Variants in WWOX observed in about 807,000 individuals in gnomAD.
The protein encoded by WWOX is WW domain-containing oxidoreductase.
WWOX carries 69 observed loss-of-function variants against 46.2 expected under a neutral mutation model. The observed-to-expected ratio is 1.49, with a 90% CI of 1.23 to 1.82. The LOEUF (loss-of-function observed/expected upper bound fraction) is 1.82, where lower values mean the gene tolerates loss of function less well. WWOX is among the 40% of genes most tolerant of loss of function. WWOX has a pLI of 0.00. For synonymous variants in WWOX, 359 were observed against 202.6 expected, an observed-to-expected ratio of 1.77 and a Z score of -6.56; for missense variants, 919 against 542.6, an observed-to-expected ratio of 1.69 and a Z score of -6.89.
At chr16:78,597,779 T>A (rs539241513) in intron 8 of WWOX, among the ~76,000 whole-genome samples, 13 of 123,490 alleles carry the variant, frequency 1.1e-4, no homozygotes, top group South Asian at 4.8e-4. Context: ...TATATATATA[T>A]AAAATATATT....
At chr16:78,377,448 T>C (rs1222462197) in intron 5 of WWOX, among the ~76,000 whole-genome samples, 1 of 152,230 alleles carries the variant, frequency 6.6e-6, no homozygotes, top group Non-Finnish European at 1.5e-5. Flanking sequence ...TACTCCTCTT[T>C]ACTTGCCTGC....
At chr16:78,978,353 C>A (rs1039314130) in intron 8 of WWOX, among the ~76,000 whole-genome samples, 1 of 151,994 alleles carries the variant, frequency 6.6e-6, no homozygotes, top group South Asian at 2.1e-4. Context: ...GGGTATATAC[C>A]TAGGAGTGGA....
At chr16:78,919,261 C>G (rs549086419) in intron 8 of WWOX, among the ~76,000 whole-genome samples, 1 of 152,164 alleles carries the variant, frequency 6.6e-6, no homozygotes, top group Admixed American at 6.5e-5. Context: ...CCCCCCCACT[C>G]TTAGCCCACT....
chr16:79,123,519 A>T (rs1228658962), intron 8 of WWOX, among the ~76,000 whole-genome samples: 1 of 152,016 alleles, frequency 6.6e-6, no homozygotes, highest in Admixed American at 6.6e-5. Flanking sequence ...TCCTCATAAC[A>T]GTTCTGTGCC....
intron 8 of WWOX, among the ~76,000 whole-genome samples, chr16:79,004,892 GT>G (rs1394222931): frequency 5.9e-5 from 9 of 152,140 alleles, no homozygotes; most frequent in Admixed American, 5.2e-4. Context: ...TTTTGGGGGG[GT>G]TAATTTCACA....
chr16:79,028,260 C>G (rs2151392123), intron 8 of WWOX, among the ~76,000 whole-genome samples: 1 of 151,906 alleles, frequency 6.6e-6, no homozygotes, highest in East Asian at 1.9e-4. Flanking sequence ...CTTTATTTTC[C>G]TTTGTGTTCC....
chr16:78,876,627 T>C (rs983154599), intron 8 of WWOX, among the ~76,000 whole-genome samples: 1 of 152,190 alleles, frequency 6.6e-6, no homozygotes, highest in Non-Finnish European at 1.5e-5. Flanking sequence ...AAGTACTGCT[T>C]TCTCTAGAGA....
chr16:78,538,593 T>C (rs1013515306), intron 8 of WWOX, among the ~76,000 whole-genome samples: 3 of 152,210 alleles, frequency 2.0e-5, no homozygotes, highest in Non-Finnish European at 2.9e-5. Flanking sequence ...TCTGAGAGAA[T>C]TGCTCAAGCT....
rs1023179934 is a variant in WWOX at position 78,410,824 on chromosome 16, A to T, written c.606-14046A>T. Among the ~76,000 whole-genome samples the T allele has an allele frequency of 1.0e-3, 154 of 151,200 alleles. 1 individual carries two copies. Among genetic ancestry groups the T allele is most frequent in the Non-Finnish European group, 1.9e-3 (129 of 67,946 alleles). On this transcript the variant is annotated intron_variant, in intron 6 of 8. Coordinates refer to ENST00000566780, the MANE Select transcript of WWOX (RefSeq NM_016373.4). ...CCACCTCAAAAAAAAAAAAAAAAAA[A>T]AAAAGTTAGCTGGGGCCAAGGTCAT...
In WWOX at chr16:78,818,251, G is replaced by T. The variant is rs560105376; in HGVS notation, c.1056+385499G>T. On this transcript the variant is annotated intron_variant, in intron 8 of 8. Coordinates refer to ENST00000566780, the MANE Select transcript of WWOX (RefSeq NM_016373.4). ...CAGGTTACCCTGGAAGGGAGACCTGGGCTGCACATCAGAGCCCATCTACTT... is the reference window on the plus strand; with the variant it reads ...CAGGTTACCCTGGAAGGGAGACCTGTGCTGCACATCAGAGCCCATCTACTT... Among the ~76,000 whole-genome samples the T allele has an allele frequency of 1.1e-4, 16 of 152,314 alleles. No homozygotes were observed. In the South Asian group the frequency reaches 2.3e-3, roughly 22 times the overall value.
intron 6 of WWOX, among the ~76,000 whole-genome samples, chr16:78,409,420 C>G (rs189104457): frequency 6.6e-6 from 1 of 152,184 alleles, no homozygotes; most frequent in Admixed American, 6.5e-5. Flanking sequence ...TTTTCTGTCC[C>G]TAGTTGTTTG....
At chr16:78,372,033 A>G (rs1160628039) in intron 5 of WWOX, among the ~76,000 whole-genome samples, 1 of 152,126 alleles carries the variant, frequency 6.6e-6, no homozygotes, top group East Asian at 1.9e-4. Context: ...CCTTAGATTT[A>G]TATTCCACTG....
chr16:78,431,149 C>T (rs896142102), intron 7 of WWOX, among the ~76,000 whole-genome samples: 1 of 152,120 alleles, frequency 6.6e-6, no homozygotes, highest in African/African-American at 2.4e-5. Flanking sequence ...GAGAAAGAGA[C>T]AAACGGAAAG....
At chr16:78,830,302 A>C (rs1416241240) in intron 8 of WWOX, among the ~76,000 whole-genome samples, 2 of 99,648 alleles carry the variant, frequency 2.0e-5, no homozygotes, top group Non-Finnish European at 4.5e-5. Context: ...TTTTCATAAT[A>C]AGCATATTTA....
intron 5 of WWOX, among the ~76,000 whole-genome samples, chr16:78,352,061 T>C (rs548925954): frequency 2.0e-5 from 3 of 152,016 alleles, no homozygotes; most frequent in Admixed American, 2.0e-4. Context: ...CAGTAGAGAG[T>C]GGTGGAGATG....
At chr16:78,209,118 T>C (rs1276616164) in intron 5 of WWOX, among the ~76,000 whole-genome samples, 1 of 152,152 alleles carries the variant, frequency 6.6e-6, no homozygotes, top group Non-Finnish European at 1.5e-5. Context: ...AAATAAGAAA[T>C]GCTGTTTGAA....
At chr16:79,199,248 A>C (rs1490797323) in intron 8 of WWOX, among the ~76,000 whole-genome samples, 3 of 152,126 alleles carry the variant, frequency 2.0e-5, no homozygotes, top group Non-Finnish European at 2.9e-5. Context: ...TTTTTAGTAG[A>C]GATGAGGTTT....
chr16:78,757,076 G>A (rs1322504228), intron 8 of WWOX: 3 of 700,140 alleles, frequency 4.3e-6, no homozygotes, highest in Non-Finnish European at 7.8e-6. Flanking sequence ...GGTGATTGCA[G>A]CCTTTGCTGC....
intron 8 of WWOX, among the ~76,000 whole-genome samples, chr16:78,652,644 C>T (rs576305020): frequency 6.6e-6 from 1 of 152,082 alleles, no homozygotes; most frequent in Non-Finnish European, 1.5e-5. Flanking sequence ...GCCAAGATTC[C>T]TCGACCACCC....
Sources: gnomAD v4.1 joint callset for allele counts (sites outside exome capture counted in the v4.1 genomes callset) on GRCh38, gnomAD v4.1.1 for gene constraint, MANE v1.5 for transcripts, NCBI Gene and HGNC (gene_info 2026-07-23, HGNC 2026-07-21) for gene names.